The following USH2A variants were observed in gnomAD, a reference collection of about 807,000 sequenced individuals.
The protein encoded by USH2A is usherin.
A neutral mutation model predicts 538.9 loss-of-function variants in USH2A; 443 were observed. That is an observed-to-expected ratio of 0.82 (90% CI 0.76 to 0.89). The LOEUF is 0.89. USH2A is among the 40% of genes least tolerant of loss of function. USH2A has a pLI of 0.00. For missense variants in USH2A, 6,633 were observed against 6,324.8 expected, an observed-to-expected ratio of 1.05 and a Z score of -1.65; for synonymous variants, 2,413 against 2,273.5, an observed-to-expected ratio of 1.06 and a Z score of -1.75.
chr1:216,407,860 T>C (rs2039421386), intron 3 of USH2A, among the ~76,000 whole-genome samples: 1 of 151,850 alleles, frequency 6.6e-6, no homozygotes, highest in Non-Finnish European at 1.5e-5. Flanking sequence ...AGCACTACCA[T>C]CAAATCCCAA....
chr1:216,199,131 T>A (rs560582822), intron 17 of USH2A, among the ~76,000 whole-genome samples: 1 of 152,344 alleles, frequency 6.6e-6, no homozygotes, highest in South Asian at 2.1e-4. Flanking sequence ...TATAAATGAT[T>A]AAAAATCTGT....
At chr1:216,102,581 C>G (rs2032613041) in intron 21 of USH2A, among the ~76,000 whole-genome samples, 1 of 152,002 alleles carries the variant, frequency 6.6e-6, no homozygotes, top group South Asian at 2.1e-4. Context: ...AGGCGGATCA[C>G]GAGGTCAGGA....
At chr1:216,372,915 T>C (rs1458203059) in intron 3 of USH2A, among the ~76,000 whole-genome samples, 12 of 152,196 alleles carry the variant, frequency 7.9e-5, no homozygotes, top group Non-Finnish European at 1.3e-4. Flanking sequence ...TCCAAAAGAT[T>C]ATCAAGTTAG....
At chr1:215,966,151 C>T (rs912647194) in intron 36 of USH2A, among the ~76,000 whole-genome samples, 5 of 151,958 alleles carry the variant, frequency 3.3e-5, no homozygotes, top group Non-Finnish European at 5.9e-5. Context: ...CAGAAAAGAG[C>T]AAAAGATGAA....
In USH2A at chr1:215,639,221, T is replaced by C. The variant is rs41308423; in HGVS notation, c.14986A>G (p.Ile4996Val). 1.9e-6 allele frequency: 3 copies of C among 1,614,126 alleles called. No homozygotes were observed. In the East Asian group the frequency reaches 6.7e-5, roughly 36 times the overall value. The stretch of plus-strand genomic sequence containing the variant: ...ACACTTCCTTCGTCAGTCGTGCAGA[T>C]GACCTGGAAAAAGAAGGCTAGACAA... ...TADKTFFFQVICTTDEGSVKT... is the reference protein window; with the variant it reads ...TADKTFFFQVVCTTDEGSVKT... The change falls in exon 69 of 72, where the codon ATC becomes GTC. Residue 4996 changes from isoleucine (I) to valine (V), a missense_variant. By Grantham distance (29) the Ile-to-Val change is conservative. Coordinates refer to ENST00000307340, the MANE Select transcript of USH2A (RefSeq NM_206933.4).
intron 24 of USH2A, 118 bp downstream of exon 24, chr1:216,086,601 T>C: frequency 1.1e-6 from 1 of 894,084 alleles, no homozygotes; most frequent in East Asian, 2.8e-5. Context: ...TTTTGGCACA[T>C]TAATATAGAA....
intron 13 of USH2A, among the ~76,000 whole-genome samples, chr1:216,242,379 A>AAT (rs1553319800): frequency 1.1e-3 from 163 of 150,360 alleles, no homozygotes; most frequent in African/African-American, 3.6e-3. Flanking sequence ...AGAAAAAAAA[A>AAT]ATATATATAT....
intron 43 of USH2A, among the ~76,000 whole-genome samples, chr1:215,869,177 A>G (rs1305928453): frequency 6.6e-6 from 1 of 152,214 alleles, no homozygotes; most frequent in African/African-American, 2.4e-5. Flanking sequence ...AAGAAAAACA[A>G]GGCTCAGAGA....
chr1:216,376,446 G>A (rs941787422), intron 3 of USH2A, among the ~76,000 whole-genome samples: 3 of 151,520 alleles, frequency 2.0e-5, no homozygotes, highest in Non-Finnish European at 4.4e-5. Flanking sequence ...AAATGATTAG[G>A]TTACTCCAAG....
In USH2A at chr1:216,015,545, G is replaced by A. The variant is rs572526533; in HGVS notation, c.6326-14983C>T. ...AACCATCACTGAGATCCAGTCCTGTGCTTTCAAACTGATCTGTAGAGTTGA... is the reference window on the plus strand; with the variant it reads ...AACCATCACTGAGATCCAGTCCTGTACTTTCAAACTGATCTGTAGAGTTGA... On this transcript the variant is annotated intron_variant, in intron 32 of 71. Transcript: ENST00000307340. Among the ~76,000 whole-genome samples, 3 of 152,294 alleles carry A rather than the reference G, an allele frequency of 2.0e-5. No individual in the cohort carries two copies. The East Asian group carries it at 5.8e-4, about 29-fold the overall frequency.
At chr1:215,834,439 G>T (rs1290290070) in intron 47 of USH2A, among the ~76,000 whole-genome samples, 1 of 152,140 alleles carries the variant, frequency 6.6e-6, no homozygotes, top group Non-Finnish European at 1.5e-5. Context: ...GAAGCCATTT[G>T]AATGGCTACA....
chr1:216,370,557 G>C (rs933984855), intron 3 of USH2A, among the ~76,000 whole-genome samples: 4 of 149,456 alleles, frequency 2.7e-5, no homozygotes, highest in African/African-American at 7.4e-5. Flanking sequence ...GCACGAGCCT[G>C]TAATCCGGGC....
At chr1:216,208,625 G>T (rs1485848645) in intron 15 of USH2A, among the ~76,000 whole-genome samples, 1 of 151,966 alleles carries the variant, frequency 6.6e-6, no homozygotes, top group African/African-American at 2.4e-5. Flanking sequence ...TTTATGTCAG[G>T]GTTTCTCAAG....
intron 3 of USH2A, among the ~76,000 whole-genome samples, chr1:216,413,361 C>T (rs371498439): frequency 1.3e-5 from 2 of 152,010 alleles, no homozygotes; most frequent in African/African-American, 4.8e-5. Context: ...CATAAGGTGA[C>T]ATGGATGTTT....
In USH2A at chr1:215,916,155, T is replaced by C. The variant is rs1665947650; in HGVS notation, c.7301-15250A>G. The stretch of plus-strand genomic sequence containing the variant: ...ATACATGTGTAACAAACCTGCACAT[T>C]GTGCACATGTACCCTGAAACTTAAA... On this transcript the variant is annotated intron_variant, in intron 38 of 71. Transcript: ENST00000307340. Among the ~76,000 whole-genome samples, 2 of 151,642 alleles carry C rather than the reference T, an allele frequency of 1.3e-5. 1 individual carries two copies. Among genetic ancestry groups the C allele is most frequent in the Admixed American group, 1.3e-4 (2 of 15,182 alleles).
At chr1:216,187,758 G>A (rs1056913378) in intron 20 of USH2A, among the ~76,000 whole-genome samples, 2 of 151,744 alleles carry the variant, frequency 1.3e-5, no homozygotes, top group African/African-American at 2.4e-5. Context: ...ACTGTGATGG[G>A]CACTGCTTTA....
Position 216,175,360 on chromosome 1 carries a change from A to T in USH2A, c.4519T>A (p.Ser1507Thr), listed in dbSNP as rs1199854698. The change falls in exon 21 of 72, where the codon TCA becomes ACA. Residue 1507 changes from serine (S) to threonine (T), a missense_variant. Coordinates refer to ENST00000307340, the MANE Select transcript of USH2A (RefSeq NM_206933.4). ...SPIYQLERRE[S>T]SLPALMTTMM... is the part of the protein sequence containing the mutation. ...GTGGTCATCAGAGCTGGTAGAGATG[A>T]CTCTCTCCTTTCCAGCTGATATATA... 1 of 1,613,318 alleles carries T rather than the reference A, an allele frequency of 6.2e-7. No homozygotes were observed. Among genetic ancestry groups the T allele is most frequent in the Non-Finnish European group, 8.5e-7 (1 of 1,179,772 alleles).
At chr1:216,025,195 A>G (rs530946934) in intron 32 of USH2A, among the ~76,000 whole-genome samples, 1 of 151,846 alleles carries the variant, frequency 6.6e-6, no homozygotes, top group Non-Finnish European at 1.5e-5. Context: ...AAATTGTGAG[A>G]GTATTAATAA....
At position 216,196,599 on chromosome 1, in the gene USH2A, A is replaced by G. The variant is rs781000551; in HGVS notation, c.4205T>C (p.Leu1402Pro). 6.2e-7 allele frequency: 1 copy of G among 1,613,628 alleles called. No individual in the cohort carries two copies. Among genetic ancestry groups the G allele is most frequent in the Non-Finnish European group, 8.5e-7 (1 of 1,179,712 alleles). The change falls in exon 19 of 72, where the codon CTT (leucine) becomes CCT (proline). Residue 1402 changes from leucine to proline, a missense_variant. By Grantham distance (98) the Leu-to-Pro change is moderately conservative. Transcript: ENST00000307340. ...AGACTGTTGAGGTGATTGTTCAGAA[A>G]GCATATTGATGTCATACCCCACAAC... The part of the protein sequence containing the change: ...GKVVGYDINM[L>P]SEQSPQQSIP...
Sources: gnomAD v4.1 joint callset for allele counts (sites outside exome capture counted in the v4.1 genomes callset) on GRCh38, gnomAD v4.1.1 for gene constraint, MANE v1.5 for transcripts, NCBI Gene and HGNC (gene_info 2026-07-23, HGNC 2026-07-21) for gene names.